Variants in ARHGEF12 observed in about 807,000 individuals in gnomAD.
ARHGEF12 encodes KMT2A/ARHGEF12 fusion protein.
In ARHGEF12, 66 loss-of-function variants were observed where a neutral mutation model predicts 211.2. The observed-to-expected ratio is 0.31, with a 90% CI of 0.26 to 0.38. ARHGEF12 has a LOEUF of 0.38. Ranked by LOEUF, ARHGEF12 falls within the 10% of genes least tolerant of loss-of-function variation. The pLI, the probability that ARHGEF12 is intolerant of heterozygous loss-of-function variation, is 1.00. For missense variants in ARHGEF12, 1,429 were observed against 1,869.5 expected, an observed-to-expected ratio of 0.76 and a Z score of 4.34; for synonymous variants, 592 against 638.4, an observed-to-expected ratio of 0.93 and a Z score of 1.09.
intron 31 of ARHGEF12, among the ~76,000 whole-genome samples, chr11:120,473,969 T>C (rs924033331): frequency 6.6e-6 from 1 of 152,242 alleles, no homozygotes; most frequent in Non-Finnish European, 1.5e-5. Flanking sequence ...TTTTATGTCA[T>C]ATATTAATAC....
Position 120,485,239 on chromosome 11 carries a change from G to A in ARHGEF12, c.*162G>A. The stretch of plus-strand genomic sequence containing the variant: ...TCCCAAGGTGCCCAGAGTGGGACTA[G>A]TTCTTCACAGTGTGGCAGCTGCACT... On this transcript the variant is annotated 3_prime_UTR_variant, in exon 41 of 41. Transcript: ENST00000397843. 1.4e-6 allele frequency: 1 copy of A among 713,858 alleles called. No individual in the cohort carries two copies. Among genetic ancestry groups the A allele is most frequent in the Non-Finnish European group, 2.4e-6 (1 of 418,674 alleles). 44.2% of individuals were successfully genotyped at this position (713,858 alleles called of 1,614,324 possible). A position where few individuals can be genotyped will look rare whatever the true frequency, so the allele number is the denominator to read the frequency against.
At chr11:120,359,800 G>A (rs556232353) in intron 1 of ARHGEF12, among the ~76,000 whole-genome samples, 11 of 152,322 alleles carry the variant, frequency 7.2e-5, no homozygotes, top group African/African-American at 1.4e-4. Context: ...AGCTACAGGG[G>A]AGTAGTAGTA....
At chr11:120,477,877 A>T (rs560757122) in intron 36 of ARHGEF12, among the ~76,000 whole-genome samples, 4 of 149,084 alleles carry the variant, frequency 2.7e-5, no homozygotes, top group South Asian at 4.2e-4. Flanking sequence ...AAAAAAAAGA[A>T]AAAAAGAAAA....
intron 39 of ARHGEF12, among the ~76,000 whole-genome samples, chr11:120,482,326 G>C (rs1947269768): frequency 6.6e-6 from 1 of 152,160 alleles, no homozygotes; most frequent in African/African-American, 2.4e-5. Flanking sequence ...ATAGAAATTG[G>C]CTTCAGTGGC....
chr11:120,407,655 G>T, intron 2 of ARHGEF12, 83 bp from the exon 3 acceptor site: 1 of 1,012,688 alleles, frequency 9.9e-7, no homozygotes, highest in Admixed American at 1.9e-5. Context: ...GGTTTTTCTT[G>T]TAAGATCCAC....
In ARHGEF12 at chr11:120,441,729, T is replaced by A. The variant is rs1226925130; in HGVS notation, c.1115T>A (p.Phe372Tyr). 16 of 1,613,866 alleles carry A rather than the reference T, an allele frequency of 9.9e-6. No homozygotes were observed. Among genetic ancestry groups the A allele is most frequent in the Non-Finnish European group, 1.3e-5 (15 of 1,179,756 alleles). The change falls in exon 14 of 41, where the codon TTC becomes TAC. Residue 372 changes from phenylalanine to tyrosine, a missense_variant. Coordinates refer to ENST00000397843, the MANE Select transcript of ARHGEF12 (RefSeq NM_015313.3). The stretch of plus-strand genomic sequence containing the variant: ...TAGATCAATGGACAGTGCAGCTGTT[T>A]CCAGAGCATTGAATTACTAAAATCT... The part of the protein sequence containing the change: ...HEQINGQCSC[F>Y]QSIELLKSRP...
intron 1 of ARHGEF12, among the ~76,000 whole-genome samples, chr11:120,345,479 G>A (rs1215638483): frequency 2.6e-5 from 4 of 152,086 alleles, no homozygotes; most frequent in Admixed American, 2.0e-4. Flanking sequence ...CGAGGTGGGC[G>A]GTTCAGGAGG....
chr11:120,430,757 T>G (rs1945499918), intron 10 of ARHGEF12, among the ~76,000 whole-genome samples: 1 of 152,168 alleles, frequency 6.6e-6, no homozygotes, highest in African/African-American at 2.4e-5. Context: ...TTAAAAAAAT[T>G]ATGTTATAAT....
intron 4 of ARHGEF12, among the ~76,000 whole-genome samples, chr11:120,420,273 G>C (rs1034461247): frequency 6.6e-6 from 1 of 152,040 alleles, no homozygotes; most frequent in Non-Finnish European, 1.5e-5. Flanking sequence ...GTTTTCCTGA[G>C]TATATTTTCT....
chr11:120,339,608 C>T (rs1942468572), intron 1 of ARHGEF12, among the ~76,000 whole-genome samples: 1 of 152,152 alleles, frequency 6.6e-6, no homozygotes, highest in African/African-American at 2.4e-5. Context: ...AACCACCAGG[C>T]CAGCTGTGTG....
chr11:120,336,420 G>T lies in ARHGEF12; in HGVS notation c.-824G>T, dbSNP rs1407959297. On this transcript the variant is annotated 5_prime_UTR_variant, in exon 1 of 41. Transcript: ENST00000397843. ...GCGCCCGCGAGGGCCTCCAGAACCC[G>T]GCGAGCCGGCCCTGCGCCGGGAGAC... Among the ~76,000 whole-genome samples, 2 of 151,238 alleles carry T rather than the reference G, an allele frequency of 1.3e-5. No homozygotes were observed. Among genetic ancestry groups the T allele is most frequent in the African/African-American group, 4.8e-5 (2 of 41,282 alleles).
At chr11:120,352,024 A>G (rs1591489789) in intron 1 of ARHGEF12, among the ~76,000 whole-genome samples, 1 of 152,296 alleles carries the variant, frequency 6.6e-6, no homozygotes, top group Non-Finnish European at 1.5e-5. Context: ...TGGCTCATCT[A>G]GATCAATCAA....
At chr11:120,454,612 C>T (rs139403620) in intron 22 of ARHGEF12, among the ~76,000 whole-genome samples, 9 of 152,258 alleles carry the variant, frequency 5.9e-5, no homozygotes, top group East Asian at 1.9e-4. Context: ...GCGTGGGTCT[C>T]GGTTGGAGTC....
At chr11:120,460,196 T>C (rs901552174) in intron 26 of ARHGEF12, among the ~76,000 whole-genome samples, 4 of 152,228 alleles carry the variant, frequency 2.6e-5, no homozygotes, top group Non-Finnish European at 5.9e-5. Context: ...TTTCATGTCA[T>C]CACTAACTAT....
At chr11:120,340,398 T>C (rs1479442982) in intron 1 of ARHGEF12, among the ~76,000 whole-genome samples, 2 of 152,360 alleles carry the variant, frequency 1.3e-5, no homozygotes, top group Non-Finnish European at 2.9e-5. Flanking sequence ...CTAGGGCTTA[T>C]GAATTTTGTA....
chr11:120,471,419 A>G (rs1009921439), intron 30 of ARHGEF12, among the ~76,000 whole-genome samples: 1 of 152,244 alleles, frequency 6.6e-6, no homozygotes, highest in Non-Finnish European at 1.5e-5. Context: ...ATTCTATGGT[A>G]GGAAAAACCA....
In ARHGEF12 at chr11:120,421,024, A is replaced by AT. The variant is rs902925565; in HGVS notation, c.298+182dup. The stretch of plus-strand genomic sequence containing the variant: ...TACAGGAAGGAGTTTACTCCAGTTG[A>AT]TTTTTTTTTGTACTTGTTAGAAAGA... On this transcript the variant is annotated intron_variant, in intron 5 of 40. Transcript: ENST00000397843. 5.9e-5 allele frequency among the ~76,000 whole-genome samples: 9 copies of AT among 151,818 alleles called. No homozygotes were observed. The East Asian group carries it at 9.6e-4, about 16-fold the overall frequency.
chr11:120,344,198 G>A lies in ARHGEF12; in HGVS notation c.32+6923G>A, dbSNP rs1187906017. ...GGAGAATCACTTGAACCCGGGAGGC[G>A]GAGGTTGCAGTTAGCCAAGATTGCA... On this transcript the variant is annotated intron_variant, in intron 1 of 40. Coordinates refer to ENST00000397843, the MANE Select transcript of ARHGEF12 (RefSeq NM_015313.3). Among the ~76,000 whole-genome samples the A allele has an allele frequency of 2.7e-5, 4 of 149,476 alleles. No individual in the cohort carries two copies. In the East Asian group the frequency reaches 5.9e-4, roughly 22 times the overall value.
rs1458583206 is a variant in ARHGEF12 at position 120,406,117 on chromosome 11, G to A, written c.33-1G>A. On this transcript the variant is annotated splice_acceptor_variant, in intron 1 of 40. Transcript: ENST00000397843. LOFTEE classifies it high-confidence loss of function. ...CTATCCTTATTTTTTCTTTGTTTCAGGTTTCCCCTCAAAAAACCTATAAGG... is the reference window on the plus strand; with the variant it reads ...CTATCCTTATTTTTTCTTTGTTTCAAGTTTCCCCTCAAAAAACCTATAAGG... 2 of 1,539,770 alleles carry A rather than the reference G, an allele frequency of 1.3e-6. No individual in the cohort carries two copies. The highest frequency in any genetic ancestry group is 1.7e-6 in the Non-Finnish European group (2 of 1,147,880).
Sources: gnomAD v4.1 joint callset for allele counts (sites outside exome capture counted in the v4.1 genomes callset) on GRCh38, gnomAD v4.1.1 for gene constraint, MANE v1.5 for transcripts, NCBI Gene and HGNC (gene_info 2026-07-23, HGNC 2026-07-21) for gene names.